Variants in DNAAF9 observed in about 807,000 individuals in gnomAD.
The protein encoded by DNAAF9 is dynein axonemal assembly factor 9, also known as shulin.
A neutral mutation model predicts 167.0 loss-of-function variants in DNAAF9; 90 were observed. That is an observed-to-expected ratio of 0.54 (90% CI 0.45 to 0.64). DNAAF9 has a LOEUF of 0.64. Ranked by LOEUF, DNAAF9 falls within the 30% of genes least tolerant of loss-of-function variation. The pLI, the probability that DNAAF9 is intolerant of heterozygous loss-of-function variation, is 0.00. For missense variants in DNAAF9, 1,315 were observed against 1,442.2 expected (o/e 0.91, Z 1.43); for synonymous variants, 491 against 508.8 (o/e 0.96, Z 0.47).
chr20:3,404,931 A>T (rs2123318442), intron 1 of DNAAF9, among the ~76,000 whole-genome samples: 1 of 152,330 alleles, frequency 6.6e-6, no homozygotes, highest in South Asian at 2.1e-4. Flanking sequence ...TGTCAAGCAT[A>T]GGTCACCTGG....
At chr20:3,300,036 G>A (rs1322317695) in intron 21 of DNAAF9, among the ~76,000 whole-genome samples, 1 of 152,030 alleles carries the variant, frequency 6.6e-6, no homozygotes, top group East Asian at 1.9e-4. Context: ...CCGAGTAGCT[G>A]GGATTATAGA....
At chr20:3,386,062 G>C (rs2083731800) in intron 1 of DNAAF9, among the ~76,000 whole-genome samples, 1 of 152,170 alleles carries the variant, frequency 6.6e-6, no homozygotes, top group African/African-American at 2.4e-5. Context: ...TAAGATGGGA[G>C]GATCACTTGA....
At chr20:3,356,033 T>C (rs572020984) in intron 7 of DNAAF9, among the ~76,000 whole-genome samples, 1 of 152,348 alleles carries the variant, frequency 6.6e-6, no homozygotes, top group South Asian at 2.1e-4. Flanking sequence ...TGAACTTTTA[T>C]TTATTTTTTT....
At chr20:3,273,215 C>T (rs2068623836) in intron 29 of DNAAF9, among the ~76,000 whole-genome samples, 1 of 152,120 alleles carries the variant, frequency 6.6e-6, no homozygotes, top group Non-Finnish European at 1.5e-5. Flanking sequence ...CTTGTAACTG[C>T]AGAATCCTAA....
intron 13 of DNAAF9, 94 bp downstream of exon 13, chr20:3,326,103 G>T: frequency 1.1e-6 from 1 of 910,574 alleles, no homozygotes; most frequent in Non-Finnish European, 1.8e-6. Flanking sequence ...GCACAAAAGT[G>T]AGTACTACAA....
At chr20:3,360,831 AT>A (rs1181379315) in intron 6 of DNAAF9, among the ~76,000 whole-genome samples, 2 of 152,252 alleles carry the variant, frequency 1.3e-5, no homozygotes, top group Non-Finnish European at 2.9e-5. Context: ...AAGTAAAACA[AT>A]TCAGAAGGAT....
At chr20:3,259,608 C>A in intron 32 of DNAAF9, 54 bp from the exon 33 acceptor site, 1 of 1,219,852 alleles carries the variant, frequency 8.2e-7, no homozygotes, top group Non-Finnish European at 1.2e-6. Context: ...AGGCCAAATT[C>A]AGGACAGCAC....
intron 1 of DNAAF9, among the ~76,000 whole-genome samples, chr20:3,397,995 A>T (rs1442179005): frequency 2.6e-5 from 4 of 152,120 alleles, no homozygotes; most frequent in African/African-American, 9.7e-5. Flanking sequence ...CACACTTTCC[A>T]TTTCTACCTC....
At chr20:3,311,982 TTTTC>T (rs1352854654) in intron 20 of DNAAF9, among the ~76,000 whole-genome samples, 1 of 117,814 alleles carries the variant, frequency 8.5e-6, no homozygotes, top group South Asian at 2.6e-4. Context: ...CTATTCTCTT[TTTTC>T]TTTTTTTTCT....
chr20:3,394,893 G>T (rs937371824), intron 1 of DNAAF9, among the ~76,000 whole-genome samples: 1 of 146,752 alleles, frequency 6.8e-6, no homozygotes, highest in African/African-American at 2.5e-5. Flanking sequence ...GATGAGGCAA[G>T]TCCTTCTATC....
intron 2 of DNAAF9, among the ~76,000 whole-genome samples, chr20:3,382,013 T>G (rs1211701759): frequency 6.6e-6 from 1 of 152,164 alleles, no homozygotes; most frequent in Non-Finnish European, 1.5e-5. Flanking sequence ...ATGACCCTCA[T>G]GAAGCTTACA....
At chr20:3,293,716 TA>T (rs894105267) in intron 25 of DNAAF9, among the ~76,000 whole-genome samples, 3 of 148,438 alleles carry the variant, frequency 2.0e-5, no homozygotes, top group Admixed American at 6.7e-5. Context: ...ATAGTGTTTA[TA>T]AAGTATCACT....
chr20:3,344,333 T>A (rs975479421), intron 8 of DNAAF9, among the ~76,000 whole-genome samples: 3 of 152,150 alleles, frequency 2.0e-5, no homozygotes, highest in Non-Finnish European at 4.4e-5. Context: ...ATCCAAAAAT[T>A]CAAATGGTAA....
intron 8 of DNAAF9, among the ~76,000 whole-genome samples, chr20:3,344,784 A>C (rs1307699430): frequency 6.6e-6 from 1 of 152,182 alleles, no homozygotes; most frequent in Non-Finnish European, 1.5e-5. Context: ...GTCTACCTAC[A>C]ATATGAGTGT....
chr20:3,298,437 C>T lies in DNAAF9; in HGVS notation c.1783-262G>A, dbSNP rs925794466. ...CCATCAAGTGATCCTTCTACCTCAG[C>T]CCTTCAAGTAGCTGAGACTACAGAC... On this transcript the variant is annotated intron_variant, in intron 21 of 36. Transcript: ENST00000252032. 2.0e-5 allele frequency among the ~76,000 whole-genome samples: 3 copies of T among 152,132 alleles called. No homozygotes were observed. In the South Asian group the frequency reaches 6.2e-4, roughly 32 times the overall value.
rs3082550 is a variant in DNAAF9 at position 3,332,900 on chromosome 20, GGTGTGTGT to G, written c.982-547_982-540del. Among the ~76,000 whole-genome samples the G allele has an allele frequency of 4.9e-3, 724 of 146,934 alleles. 10 individuals carry two copies. Among genetic ancestry groups the G allele is most frequent in the African/African-American group, 0.01 (418 of 39,884 alleles). ...CATGCGTGTGTGCGTGTGTGCGTGTGGTGTGTGTGTGTGTGTGTGTGTGTGTGTGTGTG... is the reference window on the plus strand; with the variant it reads ...CATGCGTGTGTGCGTGTGTGCGTGTGGTGTGTGTGTGTGTGTGTGTGTGTG... On this transcript the variant is annotated intron_variant, in intron 10 of 36. Coordinates refer to ENST00000252032, the MANE Select transcript of DNAAF9 (RefSeq NM_001009984.3).
At chr20:3,388,051 G>C (rs145981456) in intron 1 of DNAAF9, among the ~76,000 whole-genome samples, 4 of 147,082 alleles carry the variant, frequency 2.7e-5, no homozygotes, top group Non-Finnish European at 6.0e-5. Context: ...CTGGGCAACA[G>C]AGCAAGACTC....
chr20:3,277,813 C>T (rs992095516), intron 29 of DNAAF9, among the ~76,000 whole-genome samples: 4 of 152,220 alleles, frequency 2.6e-5, no homozygotes, highest in Non-Finnish European at 5.9e-5. Flanking sequence ...AGCAGCCCAA[C>T]ATACACATTC....
At chr20:3,292,473 C>T (rs2068976942) in intron 25 of DNAAF9, among the ~76,000 whole-genome samples, 2 of 151,940 alleles carry the variant, frequency 1.3e-5, no homozygotes, top group Non-Finnish European at 2.9e-5. Flanking sequence ...CCTATTAAGA[C>T]TTATGGTTCT....
Sources: gnomAD v4.1 joint callset for allele counts (sites outside exome capture counted in the v4.1 genomes callset) on GRCh38, gnomAD v4.1.1 for gene constraint, MANE v1.5 for transcripts, NCBI Gene and HGNC (gene_info 2026-07-23, HGNC 2026-07-21) for gene names.